The following RRP12 variants were observed in gnomAD, a reference collection of about 807,000 sequenced individuals.
The protein encoded by RRP12 is RRP12-like protein.
A neutral mutation model predicts 157.3 loss-of-function variants in RRP12; 78 were observed. The ratio of observed to expected loss-of-function variants is 0.50; its 90% CI spans 0.41 to 0.60. The LOEUF (loss-of-function observed/expected upper bound fraction) is 0.60, where lower values mean the gene tolerates loss of function less well. Among genes scored for constraint, RRP12 ranks in the 20% least tolerant of loss-of-function variants. The pLI, the probability that RRP12 is intolerant of heterozygous loss-of-function variation, is 0.00. For synonymous variants in RRP12, 726 were observed against 670.9 expected, an observed-to-expected ratio of 1.08 and a Z score of -1.27; for missense variants, 1,521 against 1,679.9, an observed-to-expected ratio of 0.91 and a Z score of 1.65.
chr10:97,386,144 G>T (rs1454920599), intron 8 of RRP12, 151 bp from the exon 9 acceptor site: 2 of 578,446 alleles, frequency 3.5e-6, no homozygotes, highest in Non-Finnish European at 3.2e-6. Flanking sequence ...TGCCACCTTA[G>T]TAAGACATGG....
intron 27 of RRP12, 29 bp downstream of exon 27, chr10:97,366,713 C>G: frequency 6.2e-7 from 1 of 1,604,488 alleles, no homozygotes; most frequent in South Asian, 1.1e-5. Context: ...GGGGGGACAC[C>G]GGGTCCCATG....
At chr10:97,374,300 G>A (rs1844242688) in intron 15 of RRP12, among the ~76,000 whole-genome samples, 1 of 152,096 alleles carries the variant, frequency 6.6e-6, no homozygotes, top group South Asian at 2.1e-4. Context: ...CTCCCAAGAA[G>A]CAGACTACAG....
rs754117168 is a variant in RRP12 at position 97,390,699 on chromosome 10, T to C, written c.636+40A>G. ...AAGCATCACCAAATCAGACAGGCTC[T>C]GGGAGTCGCCAGATGAGAAACTAAA... is the stretch of plus-strand genomic sequence containing the variant. On this transcript the variant is annotated intron_variant, in intron 5 of 33. Coordinates refer to ENST00000370992, the MANE Select transcript of RRP12 (RefSeq NM_015179.4). 7 of 1,491,928 alleles carry C rather than the reference T, an allele frequency of 4.7e-6. No homozygotes were observed. The African/African-American group carries it at 5.5e-5, about 12-fold the overall frequency. The allele number at this position is 1,491,928 out of a possible 1,614,324, so 92.4% of individuals were successfully genotyped here.
intron 8 of RRP12, among the ~76,000 whole-genome samples, chr10:97,386,991 A>C (rs551629589): frequency 1.0e-4 from 6 of 59,048 alleles, no homozygotes; most frequent in South Asian, 1.1e-3. Context: ...CTCCATCACA[A>C]AAAAAAAAAG....
chr10:97,370,916 C>T lies in RRP12; in HGVS notation c.2502+7G>A, dbSNP rs1021369163. ...CTCGGCAGAGCGGGTGGCCCTAGAG[C>T]CCTCACCCTCTTGGCGGGTGAGGAG... is the stretch of plus-strand genomic sequence containing the variant. On this transcript the variant is annotated splice_region_variant and intron_variant, in intron 21 of 33. Coordinates refer to ENST00000370992, the MANE Select transcript of RRP12 (RefSeq NM_015179.4). 8.1e-6 allele frequency: 13 copies of T among 1,613,840 alleles called. No individual in the cohort carries two copies. The highest frequency in any genetic ancestry group is 9.3e-6 in the Non-Finnish European group (11 of 1,179,906).
chr10:97,386,050 A>G, intron 8 of RRP12, 57 bp from the exon 9 acceptor site: 1 of 1,152,028 alleles, frequency 8.7e-7, no homozygotes, highest in African/African-American at 1.5e-5. Flanking sequence ...CTGGCCCTGG[A>G]CCCCTCAACT....
intron 2 of RRP12, among the ~76,000 whole-genome samples, chr10:97,398,019 A>G (rs1293800862): frequency 2.3e-4 from 16 of 71,028 alleles, no homozygotes; most frequent in Non-Finnish European, 3.3e-4. Context: ...ATATATATAT[A>G]TATGTATATA....
intron 15 of RRP12, among the ~76,000 whole-genome samples, chr10:97,374,937 C>A (rs1259179468): frequency 6.6e-6 from 1 of 152,020 alleles, no homozygotes; most frequent in Non-Finnish European, 1.5e-5. Flanking sequence ...ACAAAACTTG[C>A]CCATTTTAAG....
chr10:97,379,699 C>G lies in RRP12; in HGVS notation c.1605G>C (p.Val535=), dbSNP rs777487211. The G allele has an allele frequency of 6.2e-7, 1 of 1,614,084 alleles. No individual in the cohort carries two copies. Among genetic ancestry groups the G allele is most frequent in the Non-Finnish European group, 8.5e-7 (1 of 1,179,988 alleles). Residue 535 remains valine (V), a synonymous_variant, in exon 14 of 34, where the codon GTG becomes GTC. Coordinates refer to ENST00000370992, the MANE Select transcript of RRP12 (RefSeq NM_015179.4). ...FPHTAALDQA[V]GAAVTSMGPE... ...GTCCCATACTGGTCACCGCAGCCCC[C>G]ACTGCCTGGTCAAGAGCCGCCGTGT...
At chr10:97,374,231 G>A (rs1351508699) in intron 15 of RRP12, among the ~76,000 whole-genome samples, 3 of 151,984 alleles carry the variant, frequency 2.0e-5, no homozygotes, top group African/African-American at 4.8e-5. Flanking sequence ...ATACAGTGGC[G>A]CAATCTGGGC....
intron 30 of RRP12, among the ~76,000 whole-genome samples, chr10:97,360,846 C>A (rs1407127641): frequency 3.3e-5 from 5 of 152,162 alleles, no homozygotes; most frequent in Admixed American, 3.3e-4. Flanking sequence ...GTCCTGACTG[C>A]CGGGCTGGTG....
At chr10:97,388,027 C>T in intron 8 of RRP12, 1 of 540,172 alleles carries the variant, frequency 1.9e-6, no homozygotes. Context: ...ACTACAGATC[C>T]ACCCTGACTC....
intron 8 of RRP12, chr10:97,388,039 G>A: frequency 3.6e-6 from 2 of 562,472 alleles, no homozygotes; most frequent in South Asian, 2.1e-5. Flanking sequence ...CCCTGACTCT[G>A]ACCTGATCTC....
Position 97,373,577 on chromosome 10 carries a change from G to A in RRP12, c.2024C>T (p.Ala675Val), listed in dbSNP as rs1032396123. Residue 675 changes from alanine to valine, a missense_variant and splice_region_variant, in exon 17 of 34, where the codon GCA (alanine) becomes GTA (valine). Physicochemically the swap from Ala to Val is moderately conservative, Grantham distance 64. Transcript: ENST00000370992. ...CCACTCCCACAGCCCACACGTACCT[G>A]CCTGGCAGCCCTTGGTGATGAGGGT... Reference protein sequence around the residue: ...LRTLITKGCQAEADRAEVSRF... With the variant: ...LRTLITKGCQVEADRAEVSRF... 3.8e-6 allele frequency: 6 copies of A among 1,597,874 alleles called. No individual in the cohort carries two copies. Among genetic ancestry groups the A allele is most frequent in the Admixed American group, 1.7e-5 (1 of 59,228 alleles).
At chr10:97,389,162 C>T (rs982156380) in intron 6 of RRP12, among the ~76,000 whole-genome samples, 34 of 152,070 alleles carry the variant, frequency 2.2e-4, no homozygotes, top group Admixed American at 2.2e-3. Context: ...TGGCGGATCT[C>T]GGCTCACTGC....
rs554949442 is a variant in RRP12 at position 97,372,485 on chromosome 10, G to A, written c.2249+251C>T. 5.3e-5 allele frequency among the ~76,000 whole-genome samples: 8 copies of A among 152,310 alleles called. No homozygotes were observed. The South Asian group carries it at 1.4e-3, about 28-fold the overall frequency. Reference sequence around the variant, plus strand: ...TAAGTAATTTGTCCAAGGTCACACAGCCCATGAGTGACGGGGCTGGGATCA... The same window carrying A: ...TAAGTAATTTGTCCAAGGTCACACAACCCATGAGTGACGGGGCTGGGATCA... On this transcript the variant is annotated intron_variant, in intron 19 of 33. Coordinates refer to ENST00000370992, the MANE Select transcript of RRP12 (RefSeq NM_015179.4).
intron 4 of RRP12, among the ~76,000 whole-genome samples, chr10:97,392,550 T>C (rs1185488065): frequency 1.3e-5 from 2 of 151,698 alleles, no homozygotes; most frequent in Non-Finnish European, 2.9e-5. Flanking sequence ...GGTTTCACCA[T>C]GTTGGCCAGG....
chr10:97,398,036 C>T (rs12261952), intron 2 of RRP12, among the ~76,000 whole-genome samples: 4,195 of 35,176 alleles, frequency 0.12, 582 homozygotes, highest in East Asian at 0.27. Context: ...TATATATATA[C>T]GTATTTTTTT....
chr10:97,365,810 A>C, intron 29 of RRP12: 1 of 301,078 alleles, frequency 3.3e-6, no homozygotes, highest in Non-Finnish European at 6.2e-6. Context: ...AGAAAGGAAG[A>C]GGAGGGGGAG....
Sources: allele counts gnomAD v4.1 joint callset (sites outside exome capture counted in the v4.1 genomes callset), GRCh38; gene constraint gnomAD v4.1.1; transcripts MANE v1.5; gene names NCBI Gene and HGNC (gene_info 2026-07-23, HGNC 2026-07-21).